The following COPS9 variants were observed in gnomAD, a reference collection of about 807,000 sequenced individuals.
The protein encoded by COPS9 is COP9 signalosome complex subunit 9.
Under a neutral mutation model 7.2 loss-of-function variants are expected in COPS9, and 8 were observed. The observed-to-expected ratio is 1.11, with a 90% confidence interval of 0.65 to 2.00. COPS9 has a LOEUF of 2.00. Among genes scored for constraint, COPS9 ranks in the 30% most tolerant of loss-of-function variants. The pLI, the probability that COPS9 is intolerant of heterozygous loss-of-function variation, is 0.00. For synonymous variants in COPS9, 39 were observed against 28.7 expected, an observed-to-expected ratio of 1.36 and a Z score of -1.14; for missense variants, 74 against 77.7, an observed-to-expected ratio of 0.95 and a Z score of 0.18.
downstream of COPS9, chr2:240,129,765 C>T (rs1360992137): frequency 1.6e-6 from 1 of 631,736 alleles, no homozygotes; most frequent in African/African-American, 1.8e-5. Context: ...AAAAACCCCA[C>T]CCTCTCCAAG....
downstream of COPS9, chr2:240,130,012 T>TG: frequency 6.2e-7 from 1 of 1,613,604 alleles, no homozygotes; most frequent in Non-Finnish European, 8.5e-7. Flanking sequence ...TGGCTTGTCC[T>TG]GGGCAGTCCT....
rs1427567816 is a variant in COPS9 at position 240,131,021 on chromosome 2, G to C, written c.*30C>G. ...CTCACACTGCGGCTCTGTACCAAGG[G>C]CTTGGCCCCGCCTGCAGCCAGAGGG... On this transcript the variant is annotated 3_prime_UTR_variant, in exon 3 of 3. Transcript: ENST00000607357. 1 of 1,611,828 alleles carries C rather than the reference G, an allele frequency of 6.2e-7. No individual in the cohort carries two copies. Among genetic ancestry groups the C allele is most frequent in the Admixed American group, 1.7e-5 (1 of 59,798 alleles).
downstream of COPS9, among the ~76,000 whole-genome samples, chr2:240,129,634 G>A (rs975357308): frequency 2.6e-5 from 4 of 152,182 alleles, no homozygotes; most frequent in Non-Finnish European, 2.9e-5. Flanking sequence ...ACCTGATCAC[G>A]ACAGAATTCA....
chr2:240,129,909 AC>A (rs749527590), downstream of COPS9: 2 of 1,613,274 alleles, frequency 1.2e-6, no homozygotes, highest in South Asian at 2.2e-5. Flanking sequence ...TGCACTTCTT[AC>A]CTCTTCCGAC....
At position 240,131,199 on chromosome 2, in the gene COPS9, T is replaced by C. The variant is rs1041230608; in HGVS notation, c.137-111A>G. The C allele has an allele frequency of 2.4e-6, 3 of 1,236,860 alleles. No individual in the cohort carries two copies. In the African/African-American group the frequency reaches 4.5e-5, roughly 19 times the overall value. 76.6% of individuals were successfully genotyped at this position (1,236,860 alleles called of 1,614,324 possible). ...AAAATACAGAGATAATCGTCAATGA[T>C]CCAATGAAATAAAAGACTTTTCCCG... On this transcript the variant is annotated intron_variant, in intron 2 of 2. Transcript: ENST00000607357.
downstream of COPS9, among the ~76,000 whole-genome samples, chr2:240,127,163 C>T (rs548845830): frequency 5.3e-5 from 8 of 152,200 alleles, no homozygotes; most frequent in Non-Finnish European, 8.8e-5. Context: ...ACCCAGGCAG[C>T]GCTTGGACTA....
intron 1 of COPS9, 46 bp downstream of exon 1, chr2:240,136,176 C>A (rs556778720): frequency 9.5e-6 from 14 of 1,473,418 alleles, no homozygotes; most frequent in African/African-American, 1.5e-5. Context: ...TCCGCTCCCC[C>A]TTCCCCGCTC....
Position 240,131,007 on chromosome 2 carries a change from G to A in COPS9, c.*44C>T. 6.2e-7 allele frequency: 1 copy of A among 1,609,308 alleles called. No homozygotes were observed. The highest frequency in any genetic ancestry group is 8.5e-7 in the Non-Finnish European group (1 of 1,178,118). Reference sequence around the variant, plus strand: ...CTGTCCTGCGCAGGCTCACACTGCGGCTCTGTACCAAGGGCTTGGCCCCGC... The same window carrying A: ...CTGTCCTGCGCAGGCTCACACTGCGACTCTGTACCAAGGGCTTGGCCCCGC... On this transcript the variant is annotated 3_prime_UTR_variant, in exon 3 of 3. Transcript: ENST00000607357.
downstream of COPS9, chr2:240,127,078 G>T: frequency 9.0e-7 from 1 of 1,109,088 alleles, no homozygotes; most frequent in Non-Finnish European, 1.3e-6. Flanking sequence ...ACTTAGGACA[G>T]AGAGGGGAAG....
chr2:240,128,588 C>T (rs1207696871), downstream of COPS9, among the ~76,000 whole-genome samples: 1 of 152,164 alleles, frequency 6.6e-6, no homozygotes, highest in African/African-American at 2.4e-5. Flanking sequence ...CTAAATGTGG[C>T]AGGGATCGGT....
chr2:240,127,074 G>A, downstream of COPS9: 2 of 1,141,412 alleles, frequency 1.8e-6, no homozygotes, highest in South Asian at 3.1e-5. Flanking sequence ...AGGAACTTAG[G>A]ACAGAGAGGG....
chr2:240,130,996 C>G lies in COPS9; in HGVS notation c.*55G>C, dbSNP rs1021664423. On this transcript the variant is annotated 3_prime_UTR_variant, in exon 3 of 3. Coordinates refer to ENST00000607357, the MANE Select transcript of COPS9 (RefSeq NM_001163424.2). ...ACCACCTGAAACTGTCCTGCGCAGG[C>G]TCACACTGCGGCTCTGTACCAAGGG... 142 of 1,603,578 alleles carry G rather than the reference C, an allele frequency of 8.9e-5. No homozygotes were observed. The highest frequency in any genetic ancestry group is 1.1e-4 in the Non-Finnish European group (134 of 1,175,916).
chr2:240,136,134 T>C (rs2071988344), intron 1 of COPS9, 88 bp downstream of exon 1: 127 of 640,268 alleles, frequency 2.0e-4, no homozygotes, highest in South Asian at 1.0e-3. Flanking sequence ...CGGCCTCCCC[T>C]CCCCGGGACC....
chr2:240,126,907 A>G (rs960279872), downstream of COPS9: 2 of 1,613,872 alleles, frequency 1.2e-6, no homozygotes, highest in Admixed American at 3.3e-5. Flanking sequence ...GCTCTGTCCA[A>G]AGCTGCCACT....
intron 2 of COPS9, among the ~76,000 whole-genome samples, chr2:240,131,646 C>T (rs1049237903): frequency 3.3e-5 from 5 of 152,214 alleles, no homozygotes; most frequent in South Asian, 2.1e-4. Context: ...CTGGAAGAAA[C>T]GCAGCAAACA....
intron 1 of COPS9, among the ~76,000 whole-genome samples, chr2:240,134,885 C>G (rs1404608537): frequency 1.3e-5 from 2 of 152,114 alleles, no homozygotes; most frequent in Non-Finnish European, 2.9e-5. Context: ...TCTCCCTGCT[C>G]TCATTTTTCT....
At chr2:240,127,186 CT>C (rs1368122063), downstream of COPS9, among the ~76,000 whole-genome samples, 1 of 152,216 alleles carries the variant, frequency 6.6e-6, no homozygotes, top group African/African-American at 2.4e-5. Flanking sequence ...GTGCAGGGCA[CT>C]GCCAGAGCAT....
At chr2:240,133,412 A>C (rs2106556609) in intron 2 of COPS9, among the ~76,000 whole-genome samples, 1 of 152,340 alleles carries the variant, frequency 6.6e-6, no homozygotes, top group East Asian at 1.9e-4. Flanking sequence ...CTAGCACTGA[A>C]GCCCTTAAAT....
rs184299160 is a variant in COPS9, at chr2:240,135,708, C to G, written c.63+514G>C. Among the ~76,000 whole-genome samples the G allele has an allele frequency of 1.2e-4, 18 of 152,372 alleles. No homozygotes were observed. The East Asian group carries it at 3.1e-3, about 26-fold the overall frequency. The stretch of plus-strand genomic sequence containing the variant: ...TAAATGCCAGATGTCTCCTTTTCCG[C>G]TCCGACAGGAATGACGGCTGCTCCA... On this transcript the variant is annotated intron_variant, in intron 1 of 2. Transcript: ENST00000607357.
Sources: allele counts gnomAD v4.1 joint callset (sites outside exome capture counted in the v4.1 genomes callset), GRCh38; gene constraint gnomAD v4.1.1; transcripts MANE v1.5; gene names NCBI Gene and HGNC (gene_info 2026-07-23, HGNC 2026-07-21).